Variants in ZDHHC14 observed in about 807,000 individuals in gnomAD.
ZDHHC14 encodes the protein zDHHC palmitoyltransferase 14, also known as palmitoyltransferase ZDHHC14.
A neutral mutation model predicts 47.7 loss-of-function variants in ZDHHC14; 16 were observed. The ratio of observed to expected loss-of-function variants is 0.34; its 90% CI spans 0.23 to 0.51. ZDHHC14 has a LOEUF of 0.51. ZDHHC14 is among the 20% of genes least tolerant of loss of function. The pLI, the probability that ZDHHC14 is intolerant of heterozygous loss-of-function variation, is 0.97. For synonymous variants in ZDHHC14, 293 were observed against 278.9 expected, an observed-to-expected ratio of 1.05 and a Z score of -0.50; for missense variants, 515 against 662.5, an observed-to-expected ratio of 0.78 and a Z score of 2.44.
rs190565436 is a variant in ZDHHC14 at position 157,628,243 on chromosome 6, T to C, written c.566-106T>C. Reference sequence around the variant, plus strand: ...GGAAATATGCAGAATAATATCATTGTGTTATACTATCAGAGTATTGGGTGG... The same window carrying C: ...GGAAATATGCAGAATAATATCATTGCGTTATACTATCAGAGTATTGGGTGG... On this transcript the variant is annotated intron_variant, in intron 3 of 8. Transcript: ENST00000359775. 283 of 1,134,862 alleles carry C rather than the reference T, an allele frequency of 2.5e-4. No individual in the cohort carries two copies. The African/African-American group carries it at 3.8e-3, about 15-fold the overall frequency. The allele number at this position is 1,134,862 out of a possible 1,614,324, so 70.3% of individuals were successfully genotyped here. A position where few individuals can be genotyped will look rare whatever the true frequency, so the allele number is the denominator to read the frequency against.
chr6:157,482,267 T>C (rs1035259614), intron 1 of ZDHHC14, among the ~76,000 whole-genome samples: 1 of 149,260 alleles, frequency 6.7e-6, no homozygotes, highest in African/African-American at 2.4e-5. Context: ...TTTCTTTTTT[T>C]TTTTTTTTTT....
intron 4 of ZDHHC14, chr6:157,630,075 C>T (rs1785613592): frequency 6.6e-6 from 1 of 152,160 alleles, no homozygotes; most frequent in South Asian, 2.1e-4. Flanking sequence ...GCAGCCCCTG[C>T]CTCCCAGGTT....
chr6:157,512,425 T>A (rs1780526716), intron 1 of ZDHHC14, among the ~76,000 whole-genome samples: 1 of 152,236 alleles, frequency 6.6e-6, no homozygotes, highest in African/African-American at 2.4e-5. Flanking sequence ...GAGTGAATCA[T>A]CCTTCAAAGA....
Position 157,663,609 on chromosome 6 carries a change from G to A in ZDHHC14, c.1069-9115G>A, listed in dbSNP as rs146417946. 3.5e-3 allele frequency among the ~76,000 whole-genome samples: 535 copies of A among 152,294 alleles called. 1 individual carries two copies. Among genetic ancestry groups the A allele is most frequent in the African/African-American group, 0.012 (511 of 41,550 alleles). On this transcript the variant is annotated intron_variant, in intron 8 of 8. Transcript: ENST00000359775. ...TTTACCGGCCATTCAGGCACCTGGC[G>A]AACAGGCCTTTCTGTTGCTTTGGTT...
At chr6:157,487,845 T>C (rs1779820800) in intron 1 of ZDHHC14, among the ~76,000 whole-genome samples, 2 of 152,148 alleles carry the variant, frequency 1.3e-5, no homozygotes, top group African/African-American at 4.8e-5. Flanking sequence ...TGCTGTGCCC[T>C]CTCCCATCCA....
At chr6:157,407,369 C>T (rs1365715713) in intron 1 of ZDHHC14, among the ~76,000 whole-genome samples, 1 of 152,010 alleles carries the variant, frequency 6.6e-6, no homozygotes, top group East Asian at 1.9e-4. Context: ...GGGTAGGGAA[C>T]CCTCTGCCTC....
chr6:157,432,445 C>A (rs138697135), intron 1 of ZDHHC14, among the ~76,000 whole-genome samples: 2,381 of 152,094 alleles, frequency 0.016, 54 homozygotes, highest in African/African-American at 0.053. Context: ...GTGTGGTTGC[C>A]CGGGGCTGCT....
intron 8 of ZDHHC14, among the ~76,000 whole-genome samples, chr6:157,672,167 C>T (rs747035919): frequency 2.6e-5 from 4 of 152,124 alleles, no homozygotes; most frequent in Admixed American, 6.5e-5. Flanking sequence ...TGGATGTGTC[C>T]GAATGCACTT....
intron 8 of ZDHHC14, among the ~76,000 whole-genome samples, chr6:157,668,881 G>T (rs1483787386): frequency 1.3e-5 from 2 of 152,202 alleles, no homozygotes; most frequent in African/African-American, 4.8e-5. Context: ...CAAGTCGTAG[G>T]TACAGCATGG....
At chr6:157,652,080 A>G (rs960922846) in intron 7 of ZDHHC14, among the ~76,000 whole-genome samples, 2 of 152,196 alleles carry the variant, frequency 1.3e-5, no homozygotes, top group Non-Finnish European at 2.9e-5. Flanking sequence ...CCCCTTTGAC[A>G]TCCTGCAGAG....
chr6:157,518,616 C>T lies in ZDHHC14; in HGVS notation c.246-23969C>T, dbSNP rs141577642. 2.7e-3 allele frequency among the ~76,000 whole-genome samples: 405 copies of T among 152,204 alleles called. 1 individual carries two copies. The highest frequency in any genetic ancestry group is 9.4e-3 in the African/African-American group (390 of 41,514). On this transcript the variant is annotated intron_variant, in intron 1 of 8. Transcript: ENST00000359775. Reference sequence around the variant, plus strand: ...GTGCACCAGCGGATGGGGCTCAGCTCGCCTGTCCCCGCCTTTCCCACCCTC... The same window carrying T: ...GTGCACCAGCGGATGGGGCTCAGCTTGCCTGTCCCCGCCTTTCCCACCCTC...
At chr6:157,519,240 T>C (rs1483316224) in intron 1 of ZDHHC14, among the ~76,000 whole-genome samples, 1 of 152,226 alleles carries the variant, frequency 6.6e-6, no homozygotes, top group Admixed American at 6.5e-5. Context: ...TGATAGTGTC[T>C]CTACTTCAAA....
intron 1 of ZDHHC14, among the ~76,000 whole-genome samples, chr6:157,483,254 C>A (rs1779676161): frequency 6.6e-6 from 1 of 152,176 alleles, no homozygotes. Flanking sequence ...CTTCTTTAAT[C>A]AACTCATTCT....
At chr6:157,535,994 T>G (rs1365527741) in intron 1 of ZDHHC14, among the ~76,000 whole-genome samples, 2 of 152,224 alleles carry the variant, frequency 1.3e-5, no homozygotes, top group East Asian at 3.8e-4. Flanking sequence ...TCATTTCTAT[T>G]GCAACCCTTA....
At chr6:157,657,372 A>G (rs16900306) in intron 8 of ZDHHC14, among the ~76,000 whole-genome samples, 3 of 152,100 alleles carry the variant, frequency 2.0e-5, no homozygotes, top group Admixed American at 6.5e-5. Context: ...TCAGGCATGC[A>G]CAGATCTTTC....
At chr6:157,658,255 G>A (rs1778190360) in intron 8 of ZDHHC14, among the ~76,000 whole-genome samples, 1 of 152,152 alleles carries the variant, frequency 6.6e-6, no homozygotes. Context: ...CTGATGATTG[G>A]CAGGTCACTC....
intron 1 of ZDHHC14, among the ~76,000 whole-genome samples, chr6:157,484,590 GA>G (rs953084962): frequency 2.0e-5 from 3 of 149,884 alleles, no homozygotes; most frequent in Non-Finnish European, 4.4e-5. Context: ...TTTTCTAGGG[GA>G]AAAAAAACCA....
chr6:157,631,179 TCACA>T (rs1010872632), intron 4 of ZDHHC14: 2 of 152,346 alleles, frequency 1.3e-5, no homozygotes, highest in East Asian at 1.9e-4. Flanking sequence ...TCACATGCTC[TCACA>T]CACTCTCACG....
chr6:157,593,383 C>T (rs1334118905), intron 3 of ZDHHC14, among the ~76,000 whole-genome samples: 2 of 152,190 alleles, frequency 1.3e-5, no homozygotes, highest in African/African-American at 2.4e-5. Flanking sequence ...GAATGGGGTC[C>T]TCTGTCTCCC....
Sources: allele counts gnomAD v4.1 joint callset (sites outside exome capture counted in the v4.1 genomes callset), GRCh38; gene constraint gnomAD v4.1.1; transcripts MANE v1.5; gene names NCBI Gene and HGNC (gene_info 2026-07-23, HGNC 2026-07-21).